SUPT6H: variants seen among roughly 807,000 people sequenced by gnomAD.
The protein encoded by SUPT6H is transcription elongation factor SPT6.
SUPT6H carries 11 observed loss-of-function variants against 222.3 expected under a neutral mutation model. The observed-to-expected ratio is 0.05, with a 90% CI of 0.03 to 0.08. The LOEUF (loss-of-function observed/expected upper bound fraction) is 0.08, where lower values mean the gene tolerates loss of function less well. SUPT6H is among the 10% of genes least tolerant of loss of function. SUPT6H has a pLI of 1.00. For synonymous variants in SUPT6H, 762 were observed against 801.2 expected (o/e 0.95, Z 0.83); for missense variants, 1,422 against 2,216.0 (o/e 0.64, Z 7.19).
Position 28,687,306 on chromosome 17 carries a change from G to A in SUPT6H, c.2841G>A (p.Glu947=). 4 of 1,614,178 alleles carry A rather than the reference G, an allele frequency of 2.5e-6. No individual in the cohort carries two copies. The highest frequency in any genetic ancestry group is 2.5e-6 in the Non-Finnish European group (3 of 1,180,032). ...TCCTGCCTGCTGAATGTCCACAGGA[G>A]CATGTGGTGAAAGAGGAGCTGCTCA... is the stretch of plus-strand genomic sequence containing the variant. The part of the protein sequence containing the change: ...ILCLKFHPLQ[E]HVVKEELLNA... The change falls in exon 23 of 37, where the codon GAG becomes GAA. Residue 947 remains glutamate, a splice_region_variant and synonymous_variant. Transcript: ENST00000314616.
At chr17:28,679,597 G>T (rs59227246) in intron 11 of SUPT6H, among the ~76,000 whole-genome samples, 3 of 151,864 alleles carry the variant, frequency 2.0e-5, no homozygotes, top group South Asian at 2.1e-4. Context: ...AGCCAGGATG[G>T]TCTTGATCTC....
chr17:28,683,416 T>TTTC lies in SUPT6H; in HGVS notation c.2027_2028insTTC (p.Val676_Glu677insSer). Reference sequence around the variant, plus strand: ...GACATCAGCATAGATTTGAAGGGAGTGGAAGGGTAAGCAGAGCCCTGGGCT... The same window carrying TTTC: ...GACATCAGCATAGATTTGAAGGGAGTTTCGGAAGGGTAAGCAGAGCCCTGGGCT... On this transcript the variant is annotated inframe_insertion, in exon 16 of 37. Transcript: ENST00000314616. The TTTC allele has an allele frequency of 6.2e-7, 1 of 1,612,594 alleles. No homozygotes were observed. The highest frequency in any genetic ancestry group is 8.5e-7 in the Non-Finnish European group (1 of 1,179,618).
intron 8 of SUPT6H, 110 bp from the exon 9 acceptor site, chr17:28,677,966 A>G: frequency 7.3e-7 from 1 of 1,372,256 alleles, no homozygotes; most frequent in Non-Finnish European, 1.0e-6. Flanking sequence ...ATATGAGAAA[A>G]ATTTTTTAGA....
In SUPT6H at chr17:28,693,722, G is replaced by T. The variant is rs375203638; in HGVS notation, c.3660G>T (p.Ser1220=). Residue 1220 remains serine, a synonymous_variant, in exon 28 of 37, where the codon TCG becomes TCT. Transcript: ENST00000314616. ...SEVWNHFDSG[S]CPGQAIGVKT... ...TGTGGAACCACTTTGACAGCGGTTC[G>T]TGCCCAGGCCAGGCCATCGGTGTCA... 11 of 1,614,148 alleles carry T rather than the reference G, an allele frequency of 6.8e-6. No homozygotes were observed. The African/African-American group carries it at 9.3e-5, about 14-fold the overall frequency.
chr17:28,689,282 A>G (rs914404973), intron 24 of SUPT6H, 72 bp from the exon 25 acceptor site: 5 of 1,441,290 alleles, frequency 3.5e-6, no homozygotes, highest in South Asian at 2.3e-5. Context: ...CCAGTTCCCC[A>G]TTGGTGGACA....
intron 13 of SUPT6H, 173 bp downstream of exon 13, chr17:28,682,153 G>T: frequency 3.8e-6 from 2 of 520,930 alleles, no homozygotes; most frequent in Non-Finnish European, 6.9e-6. Context: ...ACCCATTCCC[G>T]CCCGACATGA....
At chr17:28,685,693 A>T (rs2031347197) in intron 19 of SUPT6H, among the ~76,000 whole-genome samples, 1 of 152,186 alleles carries the variant, frequency 6.6e-6, no homozygotes. Context: ...CGTGTTGCCT[A>T]GGCAGGTGTC....
chr17:28,676,451 G>A (rs1286340724), intron 7 of SUPT6H, 21 bp downstream of exon 7: 21 of 1,612,352 alleles, frequency 1.3e-5, no homozygotes, highest in Non-Finnish European at 1.8e-5. Context: ...ACCAGCCTCT[G>A]CTCTTCTACC....
rs964901024 is a variant in SUPT6H, at chr17:28,701,691, C to T, written c.*66C>T. 3 of 1,472,046 alleles carry T rather than the reference C, an allele frequency of 2.0e-6. No individual in the cohort carries two copies. Among genetic ancestry groups the T allele is most frequent in the Non-Finnish European group, 2.8e-6 (3 of 1,087,006 alleles). 91.2% of individuals were successfully genotyped at this position (1,472,046 alleles called of 1,614,324 possible). A position where few individuals can be genotyped will look rare whatever the true frequency, so the allele number is the denominator to read the frequency against. ...AAAGGCCTGGCTGCCCACTGCCTCC[C>T]TCCCTGCCCCTCCTTTTATGTCCAT... On this transcript the variant is annotated 3_prime_UTR_variant, in exon 37 of 37. Transcript: ENST00000314616.
intron 1 of SUPT6H, among the ~76,000 whole-genome samples, chr17:28,665,131 C>T (rs926594830): frequency 6.6e-6 from 1 of 152,144 alleles, no homozygotes; most frequent in Non-Finnish European, 1.5e-5. Context: ...ATGGCCTTTA[C>T]GCCCTGCTTG....
rs2031923755 is a variant in SUPT6H at position 28,696,554 on chromosome 17, C to T, written c.3971-290C>T. 2.9e-5 allele frequency among the ~76,000 whole-genome samples: 4 copies of T among 137,208 alleles called. No individual in the cohort carries two copies. The Admixed American group carries it at 3.1e-4, about 11-fold the overall frequency. The allele number at this position is 137,208 out of a possible 152,430, so 90.0% of individuals were successfully genotyped here. ...AGTGAGCCAGAATTGCGCCACTGCA[C>T]TACAACGTGGGTGACAAAATGAGAC... On this transcript the variant is annotated intron_variant, in intron 29 of 36. Transcript: ENST00000314616.
At chr17:28,665,294 C>T (rs776946531) in intron 1 of SUPT6H, among the ~76,000 whole-genome samples, 2 of 152,228 alleles carry the variant, frequency 1.3e-5, no homozygotes, top group African/African-American at 4.8e-5. Context: ...ATTGACATCT[C>T]AGCCTAAGTA....
chr17:28,689,411 G>A lies in SUPT6H; in HGVS notation c.3192G>A (p.Glu1064=). 10 of 1,614,218 alleles carry A rather than the reference G, an allele frequency of 6.2e-6. No individual in the cohort carries two copies. Among genetic ancestry groups the A allele is most frequent in the Non-Finnish European group, 7.6e-6 (9 of 1,180,052 alleles). The stretch of plus-strand genomic sequence containing the variant: ...CCCGTGTCCACCCTGAGACTTATGA[G>A]TGGGCTAGGAAGATGGCAGTGGATG... ...DGSRVHPETY[E]WARKMAVDAL... Residue 1064 remains glutamate, a synonymous_variant, in exon 25 of 37, where the codon GAG becomes GAA. Coordinates refer to ENST00000314616, the MANE Select transcript of SUPT6H (RefSeq NM_003170.5).
chr17:28,673,174 A>G (rs2030534740), intron 1 of SUPT6H, among the ~76,000 whole-genome samples, 197 bp from the exon 2 acceptor site: 2 of 151,484 alleles, frequency 1.3e-5, no homozygotes, highest in Non-Finnish European at 2.9e-5. Flanking sequence ...AAAAGTACAT[A>G]TGAGAGAAGC....
chr17:28,700,377 G>C lies in SUPT6H; in HGVS notation c.4671G>C (p.Gln1557His), dbSNP rs370675462. Reference sequence around the variant, plus strand: ...CACGGGCTGTGAATGCCCTGCCTCAGAACATGACTTCACAGATGTTCAGTG... The same window carrying C: ...CACGGGCTGTGAATGCCCTGCCTCACAACATGACTTCACAGATGTTCAGTG... ...DLTRAVNALPQNMTSQMFSAI... is the reference protein window; with the variant it reads ...DLTRAVNALPHNMTSQMFSAI... The change falls in exon 35 of 37, where the codon CAG (glutamine) becomes CAC (histidine). Residue 1557 changes from glutamine (Q) to histidine (H), a missense_variant. Physicochemically the swap from Gln to His is conservative, Grantham distance 24. Transcript: ENST00000314616. 4.3e-6 allele frequency: 7 copies of C among 1,614,108 alleles called. No homozygotes were observed. In the African/African-American group the frequency reaches 8.0e-5, roughly 18 times the overall value.
At chr17:28,668,343 T>C (rs556159120) in intron 1 of SUPT6H, among the ~76,000 whole-genome samples, 1 of 152,326 alleles carries the variant, frequency 6.6e-6, no homozygotes, top group African/African-American at 2.4e-5. Context: ...TTAGTGTCTT[T>C]ATTCTAGAGT....
Position 28,698,037 on chromosome 17 carries a change from A to AC in SUPT6H, c.4448+8dup. The AC allele has an allele frequency of 6.2e-7, 1 of 1,605,942 alleles. No individual in the cohort carries two copies. The highest frequency in any genetic ancestry group is 8.5e-7 in the Non-Finnish European group (1 of 1,179,662). On this transcript the variant is annotated splice_region_variant and intron_variant, in intron 32 of 36. Coordinates refer to ENST00000314616, the MANE Select transcript of SUPT6H (RefSeq NM_003170.5). Reference sequence around the variant, plus strand: ...AGCCCCGGGGTAAACCCAGGTGAGCACTAGTGCTGAGAAGGTGCTGCCACT... The same window carrying AC: ...AGCCCCGGGGTAAACCCAGGTGAGCACCTAGTGCTGAGAAGGTGCTGCCACT...
At chr17:28,679,009 C>G (rs1275244188) in intron 11 of SUPT6H, 46 bp downstream of exon 11, 1 of 1,612,136 alleles carries the variant, frequency 6.2e-7, no homozygotes, top group Admixed American at 1.7e-5. Context: ...CCTCAGACCC[C>G]AAGGCTGGCC....
At chr17:28,692,797 C>G (rs1290581906) in intron 27 of SUPT6H, among the ~76,000 whole-genome samples, 1 of 146,732 alleles carries the variant, frequency 6.8e-6, no homozygotes, top group South Asian at 2.3e-4. Flanking sequence ...GTCAGGAGAT[C>G]GAGGCCATCC....
Sources: gnomAD v4.1 joint callset for allele counts (sites outside exome capture counted in the v4.1 genomes callset) on GRCh38, gnomAD v4.1.1 for gene constraint, MANE v1.5 for transcripts, NCBI Gene and HGNC (gene_info 2026-07-23, HGNC 2026-07-21) for gene names.